Variants in RORA observed in about 807,000 individuals in gnomAD.
The protein encoded by RORA is nuclear receptor ROR-alpha.
Under a neutral mutation model 69.5 loss-of-function variants are expected in RORA, and 7 were observed. The ratio of observed to expected loss-of-function variants is 0.10; its 90% confidence interval spans 0.06 to 0.19. The LOEUF is 0.19. Ranked by LOEUF, RORA falls within the 10% of genes least tolerant of loss-of-function variation. The probability of loss-of-function intolerance (pLI) is 1.00; values close to 1 mark genes in which losing one functional copy is unlikely to be tolerated. For missense variants in RORA, 457 were observed against 663.0 expected (o/e 0.69, Z 3.41); for synonymous variants, 261 against 240.8 (o/e 1.08, Z -0.78).
intron 3 of RORA, among the ~76,000 whole-genome samples, chr15:60,520,594 T>C (rs543043292): frequency 3.4e-4 from 52 of 152,128 alleles, no homozygotes; most frequent in Non-Finnish European, 5.6e-4. Context: ...TTTTGTCTGA[T>C]TGGGGAGAAA....
rs542271775 is a variant in RORA, at chr15:61,148,985, G to C, written c.166+80068C>G. On this transcript the variant is annotated intron_variant, in intron 1 of 10. Coordinates refer to ENST00000335670, the MANE Select transcript of RORA (RefSeq NM_134261.3). ...GGGGGCTCCCTCTGCAGCTCTGTTGGGGCTTCACATCAGACAATGTGCTCG... is the reference window on the plus strand; with the variant it reads ...GGGGGCTCCCTCTGCAGCTCTGTTGCGGCTTCACATCAGACAATGTGCTCG... 7.2e-5 allele frequency among the ~76,000 whole-genome samples: 11 copies of C among 152,276 alleles called. No individual in the cohort carries two copies. The South Asian group carries it at 1.9e-3, about 26-fold the overall frequency.
intron 1 of RORA, among the ~76,000 whole-genome samples, chr15:60,767,823 G>A (rs540868440): frequency 1.3e-5 from 2 of 152,298 alleles, no homozygotes; most frequent in East Asian, 1.9e-4. Context: ...GGGTCAGTTT[G>A]TCTAACACTG....
chr15:60,604,546 T>G (rs974766526), intron 2 of RORA, among the ~76,000 whole-genome samples: 66 of 152,144 alleles, frequency 4.3e-4, no homozygotes, highest in African/African-American at 1.6e-3. Context: ...GCCTTCTTCT[T>G]TAGACTCTCC....
At chr15:60,979,408 T>A (rs1269857116) in intron 1 of RORA, among the ~76,000 whole-genome samples, 1 of 150,330 alleles carries the variant, frequency 6.7e-6, no homozygotes, top group Non-Finnish European at 1.5e-5. Flanking sequence ...AGCTGGAATT[T>A]GACAGGATTG....
At chr15:60,800,704 C>T (rs1472083146) in intron 1 of RORA, among the ~76,000 whole-genome samples, 1 of 152,092 alleles carries the variant, frequency 6.6e-6, no homozygotes, top group Non-Finnish European at 1.5e-5. Context: ...CTCTGTCTAC[C>T]CCACACAGCA....
chr15:61,218,674 TCACA>T (rs3054672), intron 1 of RORA, among the ~76,000 whole-genome samples: 1,438 of 142,928 alleles, frequency 0.01, 26 homozygotes, highest in African/African-American at 0.032. Context: ...CTAATATAAC[TCACA>T]CACACACACA....
At chr15:60,872,688 A>C (rs1341893722) in intron 1 of RORA, among the ~76,000 whole-genome samples, 1 of 152,158 alleles carries the variant, frequency 6.6e-6, no homozygotes, top group African/African-American at 2.4e-5. Context: ...TTGTCATTCC[A>C]ATTAACTAGT....
Position 60,505,568 on chromosome 15 carries a change from C to A in RORA, c.882G>T (p.Glu294Asp). 1 of 1,613,856 alleles carries A rather than the reference C, an allele frequency of 6.2e-7. No homozygotes were observed. Residue 294 changes from glutamate to aspartate, a missense_variant, in exon 6 of 11, where the codon GAG (glutamate) becomes GAT (aspartate). Around this residue, in one of 3 missense-constraint regions of RORA, gnomAD observed 304 missense variants for 447.4 expected, o/e 0.68. Coordinates refer to ENST00000335670, the MANE Select transcript of RORA (RefSeq NM_134261.3). ...AGGTCTGCCACGTTATCTGCTGGAG[C>A]TCTTCTCTCAAGTATTGGCAGGTTT... ...HLETCQYLRE[E>D]LQQITWQTFL... is the part of the protein sequence containing the mutation.
chr15:61,116,518 G>C (rs1018055586), intron 1 of RORA, among the ~76,000 whole-genome samples: 3 of 152,160 alleles, frequency 2.0e-5, no homozygotes, highest in Admixed American at 6.5e-5. Flanking sequence ...ATTCCTTTGA[G>C]GTGACTGATT....
In RORA at chr15:60,835,387, G is replaced by A. The variant is rs190041781; in HGVS notation, c.167-156701C>T. On this transcript the variant is annotated intron_variant, in intron 1 of 10. Transcript: ENST00000335670. ...CAGTCAATCATATAATCTTTCTGAC[G>A]TTACTAAAACGAAGAGGGTAAGCAA... 9.9e-4 allele frequency among the ~76,000 whole-genome samples: 151 copies of A among 152,262 alleles called. No individual in the cohort carries two copies. In the East Asian group the frequency reaches 0.015, roughly 15 times the overall value.
intron 1 of RORA, among the ~76,000 whole-genome samples, chr15:60,772,381 T>A (rs1195622130): frequency 7.2e-6 from 1 of 138,170 alleles, no homozygotes; most frequent in Non-Finnish European, 1.6e-5. Context: ...TCTTGGTCAC[T>A]GGAAATTTAT....
intron 2 of RORA, among the ~76,000 whole-genome samples, chr15:60,601,441 G>A (rs529374109): frequency 2.6e-5 from 4 of 152,072 alleles, no homozygotes; most frequent in East Asian, 1.9e-4. Flanking sequence ...TTTGTATTTC[G>A]GAATAATCAA....
At chr15:60,944,379 A>G (rs1892798966) in intron 1 of RORA, among the ~76,000 whole-genome samples, 1 of 152,176 alleles carries the variant, frequency 6.6e-6, no homozygotes. Flanking sequence ...AACTGCCTTA[A>G]TGGGTGGAGT....
In RORA at chr15:60,537,700, T is replaced by C. The variant is rs2066722406; in HGVS notation, c.197-5849A>G. 6.6e-6 allele frequency among the ~76,000 whole-genome samples: 1 copy of C among 152,224 alleles called. No individual in the cohort carries two copies. The highest frequency in any genetic ancestry group is 2.1e-4 in the South Asian group (1 of 4,838). On this transcript the variant is annotated intron_variant, in intron 2 of 10. Coordinates refer to ENST00000335670, the MANE Select transcript of RORA (RefSeq NM_134261.3). This position sits in a 1 kb window ranked among gnomAD's most constrained non-coding sequence, Gnocchi z 4.9. Reference sequence around the variant, plus strand: ...AGCTGCATCCTATGCAAACTAACGATGAACTTGTTTGGCCACTTGGTCTGC... The same window carrying C: ...AGCTGCATCCTATGCAAACTAACGACGAACTTGTTTGGCCACTTGGTCTGC...
rs147809676 is a variant in RORA, at chr15:60,797,161, TG to T, written c.167-118476del. Among the ~76,000 whole-genome samples the T allele has an allele frequency of 8.3e-3, 1,258 of 151,842 alleles. 16 individuals are homozygous for T. The highest frequency in any genetic ancestry group is 0.029 in the African/African-American group (1,205 of 41,456). On this transcript the variant is annotated intron_variant, in intron 1 of 10. Transcript: ENST00000335670. ...GGGAATGGGAAATGGGATTTCCTTT[TG>T]GGATAATTAAAATGTCCTGGAACTA...
intron 2 of RORA, among the ~76,000 whole-genome samples, chr15:60,648,636 T>C (rs2070094412): frequency 6.6e-6 from 1 of 152,250 alleles, no homozygotes; most frequent in Non-Finnish European, 1.5e-5. Flanking sequence ...TCATGAAATC[T>C]GATCTTAACA....
intron 1 of RORA, among the ~76,000 whole-genome samples, chr15:61,003,901 G>C (rs1408855193): frequency 6.6e-6 from 1 of 152,082 alleles, no homozygotes; most frequent in African/African-American, 2.4e-5. Context: ...AACGAGTAGG[G>C]AAAGGAATAA....
intron 3 of RORA, among the ~76,000 whole-genome samples, chr15:60,526,381 A>G (rs2066356664): frequency 6.6e-6 from 1 of 152,252 alleles, no homozygotes; most frequent in African/African-American, 2.4e-5. Context: ...GCCCCAAGCC[A>G]GGTGCTGTGT....
chr15:60,925,464 C>T (rs1025336734), intron 1 of RORA, among the ~76,000 whole-genome samples: 12 of 152,222 alleles, frequency 7.9e-5, no homozygotes, highest in Non-Finnish European at 4.4e-5. Context: ...TTCTCCTCCA[C>T]CTGTCTGATC....
Sources: gnomAD v4.1 joint callset for allele counts (sites outside exome capture counted in the v4.1 genomes callset) on GRCh38, gnomAD v4.1.1 for gene constraint, gnomAD v4.1.1 regional missense constraint, Gnocchi (gnomAD v3.1) non-coding constraint, MANE v1.5 for transcripts, NCBI Gene and HGNC (gene_info 2026-07-23, HGNC 2026-07-21) for gene names.